COL4A1: variants seen among roughly 807,000 people sequenced by gnomAD.
COL4A1 encodes collagen type IV alpha 1 chain, also known as collagen alpha-1(IV) chain.
Under a neutral mutation model 216.6 loss-of-function variants are expected in COL4A1, and 40 were observed. The observed-to-expected ratio is 0.18, with a 90% confidence interval of 0.14 to 0.24. The LOEUF (loss-of-function observed/expected upper bound fraction) is 0.24, where lower values mean the gene tolerates loss of function less well. Among genes scored for constraint, COL4A1 ranks in the 10% least tolerant of loss-of-function variants. The pLI, the probability that COL4A1 is intolerant of heterozygous loss-of-function variation, is 1.00. For synonymous variants in COL4A1, 839 were observed against 810.7 expected (o/e 1.03, Z -0.59); for missense variants, 1,628 against 2,196.8 (o/e 0.74, Z 5.18).
intron 6 of COL4A1, 133 bp from the exon 7 acceptor site, chr13:110,212,055 G>A: frequency 1.1e-6 from 1 of 945,278 alleles, no homozygotes; most frequent in Non-Finnish European, 1.7e-6. Context: ...TTTGTCACAA[G>A]CTGTGCTACT....
intron 1 of COL4A1, among the ~76,000 whole-genome samples, chr13:110,243,311 C>A (rs141552369): frequency 6.6e-6 from 1 of 152,078 alleles, no homozygotes; most frequent in Non-Finnish European, 1.5e-5. Flanking sequence ...ACAAAATATT[C>A]TTGTAGTTCA....
At chr13:110,200,947 T>C in intron 19 of COL4A1, 58 bp from the exon 20 acceptor site, 1 of 1,562,898 alleles carries the variant, frequency 6.4e-7, no homozygotes, top group Non-Finnish European at 8.8e-7. Context: ...TTGTATACAC[T>C]TCTTATTTCT....
chr13:110,172,765 G>A lies in COL4A1; in HGVS notation c.3511C>T (p.Pro1171Ser), dbSNP rs764681618. The change falls in exon 41 of 52, where the codon CCA (proline) becomes TCA (serine). Residue 1171 changes from proline to serine, a missense_variant. Pro to Ser is a moderately conservative substitution (Grantham distance 74, BLOSUM62 -1). Around this residue, in one of 8 missense-constraint regions of COL4A1, gnomAD observed 345 missense variants for 476.9 expected, o/e 0.72. Transcript: ENST00000375820. ...SAGEKGEPGLPGRGFPGFPGA... is the reference protein window; with the variant it reads ...SAGEKGEPGLSGRGFPGFPGA... ...GGAAACCCTGGGAATCCTCTTCCTG[G>A]TAGACCTATAAGATGAGGGTAAAAT... The A allele has an allele frequency of 1.2e-6, 2 of 1,613,912 alleles. No individual in the cohort carries two copies. Among genetic ancestry groups the A allele is most frequent in the Non-Finnish European group, 1.7e-6 (2 of 1,179,768 alleles).
intron 2 of COL4A1, among the ~76,000 whole-genome samples, chr13:110,232,608 T>C (rs1297754139): frequency 1.3e-5 from 2 of 152,226 alleles, no homozygotes; most frequent in East Asian, 3.8e-4. Context: ...GCCAATGTTT[T>C]GTCAAGATCA....
chr13:110,276,187 A>T (rs1406209138), intron 1 of COL4A1, among the ~76,000 whole-genome samples: 1 of 152,148 alleles, frequency 6.6e-6, no homozygotes, highest in Non-Finnish European at 1.5e-5. Flanking sequence ...AACTCTTGGT[A>T]CCTTCTGTAC....
chr13:110,205,660 C>T lies in COL4A1; in HGVS notation c.859-122G>A, dbSNP rs924219479. 114 of 1,030,158 alleles carry T rather than the reference C, an allele frequency of 1.1e-4. 1 individual carries two copies. In the South Asian group the frequency reaches 1.3e-3, roughly 12 times the overall value. 63.8% of individuals were successfully genotyped at this position (1,030,158 alleles called of 1,614,324 possible). Reference sequence around the variant, plus strand: ...GGTGGATCACCTGAGGTCAGGAGTTCGAGACCAGCCTGGCCAACATGGCGA... The same window carrying T: ...GGTGGATCACCTGAGGTCAGGAGTTTGAGACCAGCCTGGCCAACATGGCGA... On this transcript the variant is annotated intron_variant, in intron 15 of 51. Coordinates refer to ENST00000375820, the MANE Select transcript of COL4A1 (RefSeq NM_001845.6).
intron 1 of COL4A1, among the ~76,000 whole-genome samples, chr13:110,247,466 A>G (rs7337819): frequency 0.14 from 20,754 of 152,242 alleles, 1,762 homozygotes; most frequent in Non-Finnish European, 0.2. Context: ...ATACTGTGAA[A>G]CTTTTCTTTC....
intron 43 of COL4A1, among the ~76,000 whole-genome samples, chr13:110,168,952 C>G (rs186868189): frequency 2.0e-5 from 3 of 152,278 alleles, no homozygotes; most frequent in Admixed American, 6.5e-5. Flanking sequence ...ATCCTTTAGC[C>G]ATGGACATGG....
At chr13:110,193,249 C>T (rs1878726706) in intron 22 of COL4A1, among the ~76,000 whole-genome samples, 1 of 152,224 alleles carries the variant, frequency 6.6e-6, no homozygotes, top group Admixed American at 6.5e-5. Context: ...TGCCTATCAG[C>T]CTGAAAAGAC....
At chr13:110,172,623 C>A (rs1877697280) in intron 41 of COL4A1, 97 bp downstream of exon 41, 1 of 1,222,854 alleles carries the variant, frequency 8.2e-7, no homozygotes, top group East Asian at 2.3e-5. Flanking sequence ...GCCTGGCCAA[C>A]AGGCATGGGG....
chr13:110,233,820 C>A (rs1881177174), intron 2 of COL4A1, among the ~76,000 whole-genome samples: 2 of 152,200 alleles, frequency 1.3e-5, no homozygotes, highest in African/African-American at 4.8e-5. Context: ...TACCTAATGG[C>A]CCTGCCAAGA....
intron 49 of COL4A1, chr13:110,160,984 C>T (rs1336687125): frequency 6.5e-6 from 4 of 618,350 alleles, no homozygotes; most frequent in South Asian, 1.9e-5. Context: ...GTTGGGATTA[C>T]GGGCATGAGC....
intron 1 of COL4A1, among the ~76,000 whole-genome samples, chr13:110,253,736 T>C (rs1352024607): frequency 2.7e-5 from 4 of 145,616 alleles, no homozygotes; most frequent in African/African-American, 1.0e-4. Flanking sequence ...TATACGTATG[T>C]ATGTATTACA....
intron 1 of COL4A1, among the ~76,000 whole-genome samples, chr13:110,293,422 G>A (rs1440208058): frequency 2.0e-5 from 3 of 152,214 alleles, no homozygotes; most frequent in African/African-American, 7.2e-5. Flanking sequence ...TAGCTTTCAA[G>A]TTAATGCTAC....
At chr13:110,167,345 G>A (rs1877391972) in intron 43 of COL4A1, 115 bp from the exon 44 acceptor site, 1 of 817,100 alleles carries the variant, frequency 1.2e-6, no homozygotes, top group African/African-American at 1.7e-5. Context: ...AAGCACATTT[G>A]TGAACAAATG....
chr13:110,167,314 A>T, intron 43 of COL4A1, 84 bp from the exon 44 acceptor site: 5 of 1,013,292 alleles, frequency 4.9e-6, no homozygotes, highest in Non-Finnish European at 7.9e-6. Context: ...GAAAATGGAA[A>T]CAGCCCCTCA....
intron 25 of COL4A1, 145 bp from the exon 26 acceptor site, chr13:110,186,698 G>A (rs1043437793): frequency 8.9e-6 from 9 of 1,012,994 alleles, no homozygotes; most frequent in South Asian, 6.6e-5. Context: ...CTCCCAGGAG[G>A]GCCACCTTGT....
chr13:110,191,721 G>A (rs1878636499), intron 24 of COL4A1: 1 of 652,860 alleles, frequency 1.5e-6, no homozygotes, highest in Non-Finnish European at 2.7e-6. Context: ...CTAATCCTCA[G>A]AGGCAAACAG....
At position 110,161,276 on chromosome 13, in the gene COL4A1, T is replaced by C. The variant is rs1295246823; in HGVS notation, c.4556A>G (p.Tyr1519Cys). The change falls in exon 49 of 52, where the codon TAC becomes TGC. Residue 1519 changes from tyrosine (Y) to cysteine (C), a missense_variant. Coordinates refer to ENST00000375820, the MANE Select transcript of COL4A1 (RefSeq NM_001845.6). ...NVCNFASRNDYSYWLSTPEPM... is the reference protein window; with the variant it reads ...NVCNFASRNDCSYWLSTPEPM... ...CTCAGGGGTGGACAGCCAGTACGAGTAGTCATTTCGTGATGCAAAGTTGCA... is the reference window on the plus strand; with the variant it reads ...CTCAGGGGTGGACAGCCAGTACGAGCAGTCATTTCGTGATGCAAAGTTGCA... The C allele has an allele frequency of 1.2e-6, 2 of 1,614,038 alleles. No individual in the cohort carries two copies.
Sources: allele counts gnomAD v4.1 joint callset (sites outside exome capture counted in the v4.1 genomes callset), GRCh38; gene constraint gnomAD v4.1.1; regional missense constraint gnomAD v4.1.1; transcripts MANE v1.5; gene names NCBI Gene and HGNC (gene_info 2026-07-23, HGNC 2026-07-21).